SCNN1G: variants seen among roughly 807,000 people sequenced by gnomAD.
SCNN1G encodes sodium channel epithelial 1 subunit gamma, also known as epithelial sodium channel subunit gamma.
SCNN1G carries 27 observed loss-of-function variants against 64.6 expected under a neutral mutation model. That is an observed-to-expected ratio of 0.42 (90% CI 0.31 to 0.58). The LOEUF (loss-of-function observed/expected upper bound fraction) is 0.58. SCNN1G is among the 20% of genes least tolerant of loss of function. The pLI is 0.18. For missense variants in SCNN1G, 743 were observed against 823.4 expected (o/e 0.90, Z 1.19); for synonymous variants, 330 against 314.2 (o/e 1.05, Z -0.53).
In SCNN1G at chr16:23,209,859, G is replaced by A; in HGVS notation, c.1176+11G>A. ...GCCTACTCGCTCCAGGTAACAGATT[G>A]GCAGGGGCACCCAGCCCTGGGTTTA... On this transcript the variant is annotated intron_variant, in intron 7 of 12. Transcript: ENST00000300061. The A allele has an allele frequency of 3.1e-6, 5 of 1,602,466 alleles. No homozygotes were observed. The highest frequency in any genetic ancestry group is 4.3e-6 in the Non-Finnish European group (5 of 1,169,326).
chr16:23,189,020 A>G (rs1186028976), intron 2 of SCNN1G, among the ~76,000 whole-genome samples: 1 of 151,976 alleles, frequency 6.6e-6, no homozygotes, highest in Non-Finnish European at 1.5e-5. Flanking sequence ...GTTGGCAGTT[A>G]TTTACTTGTC....
At position 23,199,035 on chromosome 16, in the gene SCNN1G, T is replaced by A. The variant is rs372753263; in HGVS notation, c.1077+1608T>A. Among the ~76,000 whole-genome samples, 95 of 148,856 alleles carry A rather than the reference T, an allele frequency of 6.4e-4. 1 individual carries two copies. Among genetic ancestry groups the A allele is most frequent in the African/African-American group, 2.2e-3 (91 of 40,636 alleles). ...TGAGACCCTGCCTCTATTTTTTTTT[T>A]AAGAACTTATTTAAAGAGAGTGTCC... On this transcript the variant is annotated intron_variant, in intron 6 of 12. Coordinates refer to ENST00000300061, the MANE Select transcript of SCNN1G (RefSeq NM_001039.4).
rs1959606653 is a variant in SCNN1G, at chr16:23,186,399, G to T, written c.128G>T (p.Arg43Leu). Residue 43 changes from arginine (R) to leucine (L), a missense_variant, in exon 2 of 13, where the codon CGC becomes CTC. Coordinates refer to ENST00000300061, the MANE Select transcript of SCNN1G (RefSeq NM_001039.4). The part of the protein sequence containing the change: ...CLNTNTHGCR[R>L]IVVSRGRLRR... ...AACACCAACACCCATGGCTGTCGCC[G>T]CATCGTGGTGTCCCGCGGCCGTCTG... 3 of 1,614,108 alleles carry T rather than the reference G, an allele frequency of 1.9e-6. No homozygotes were observed. The highest frequency in any genetic ancestry group is 1.7e-6 in the Non-Finnish European group (2 of 1,180,050).
At chr16:23,200,386 G>A (rs1959869947) in intron 6 of SCNN1G, among the ~76,000 whole-genome samples, 1 of 152,146 alleles carries the variant, frequency 6.6e-6, no homozygotes, top group Non-Finnish European at 1.5e-5. Context: ...GAGAGCCTTG[G>A]CTTTAGAGCA....
chr16:23,192,205 A>G, intron 3 of SCNN1G, 147 bp from the exon 4 acceptor site: 1 of 716,538 alleles, frequency 1.4e-6, no homozygotes, highest in Non-Finnish European at 2.5e-6. Context: ...AACCCCTAGA[A>G]GTGAGAGGAA....
intron 6 of SCNN1G, among the ~76,000 whole-genome samples, chr16:23,204,805 C>G (rs1344872232): frequency 1.3e-5 from 2 of 151,986 alleles, no homozygotes; most frequent in East Asian, 3.9e-4. Context: ...ATGTAATATT[C>G]TAAACCATCA....
chr16:23,197,749 G>A (rs1280468263), intron 6 of SCNN1G, among the ~76,000 whole-genome samples: 1 of 152,072 alleles, frequency 6.6e-6, no homozygotes, highest in Non-Finnish European at 1.5e-5. Flanking sequence ...GTATGGTAGT[G>A]TGTGCCTGTA....
chr16:23,216,537 T>C lies in SCNN1G; in HGVS notation c.*1068T>C, dbSNP rs1206201247. 6.6e-6 allele frequency: 1 copy of C among 152,220 alleles called. No homozygotes were observed. The highest frequency in any genetic ancestry group is 1.5e-5 in the Non-Finnish European group (1 of 68,040). The allele number at this position is 152,220 out of a possible 1,614,324, so 9.4% of individuals were successfully genotyped here. A position where few individuals can be genotyped will look rare whatever the true frequency, so the allele number is the denominator to read the frequency against. ...CCAAGAACAGGGTGTTAGGTACTGTTTTAAGCACCTAGATAGGTTAGCATA... is the reference window on the plus strand; with the variant it reads ...CCAAGAACAGGGTGTTAGGTACTGTCTTAAGCACCTAGATAGGTTAGCATA... On this transcript the variant is annotated 3_prime_UTR_variant, in exon 13 of 13. Coordinates refer to ENST00000300061, the MANE Select transcript of SCNN1G (RefSeq NM_001039.4).
intron 9 of SCNN1G, 21 bp from the exon 10 acceptor site, chr16:23,212,816 T>A: frequency 6.2e-7 from 1 of 1,614,080 alleles, no homozygotes; most frequent in Non-Finnish European, 8.5e-7. Context: ...CCTACACTCA[T>A]GCTGTCCCCT....
chr16:23,215,815 A>G lies in SCNN1G; in HGVS notation c.*346A>G, dbSNP rs1015834635. The G allele has an allele frequency of 2.8e-6, 1 of 358,740 alleles. No homozygotes were observed. The highest frequency in any genetic ancestry group is 2.1e-5 in the African/African-American group (1 of 47,880). The allele number at this position is 358,740 out of a possible 1,614,324, so 22.2% of individuals were successfully genotyped here. On this transcript the variant is annotated 3_prime_UTR_variant, in exon 13 of 13. Transcript: ENST00000300061. ...TCTTTACGGGTCTTGAGAGGGAAGG[A>G]CTCTTCCAAAGCCCCAAAGCCGAGG...
chr16:23,192,806 G>A (rs541252597), intron 4 of SCNN1G, among the ~76,000 whole-genome samples: 25 of 152,112 alleles, frequency 1.6e-4, no homozygotes, highest in African/African-American at 4.3e-4. Context: ...GGTGGTTCAC[G>A]CCTCTAAATC....
In SCNN1G at chr16:23,212,143, C is replaced by G. The variant is rs779293588; in HGVS notation, c.1286C>G (p.Pro429Arg). 1.2e-6 allele frequency: 2 copies of G among 1,609,632 alleles called. No individual in the cohort carries two copies. Among genetic ancestry groups the G allele is most frequent in the Non-Finnish European group, 8.5e-7 (1 of 1,176,078 alleles). The change falls in exon 8 of 13, where the codon CCC (proline) becomes CGC (arginine). Residue 429 changes from proline (P) to arginine (R), a missense_variant. Pro to Arg is a moderately radical substitution (Grantham distance 103). Coordinates refer to ENST00000300061, the MANE Select transcript of SCNN1G (RefSeq NM_001039.4). Reference sequence around the variant, plus strand: ...AACTACTGCAACTACCAGCAGCACCCCAACTGGAGTGAGTGAGACCCAGCT... The same window carrying G: ...AACTACTGCAACTACCAGCAGCACCGCAACTGGAGTGAGTGAGACCCAGCT... ...AANYCNYQQHPNWMYCYYQLH... is the reference protein window; with the variant it reads ...AANYCNYQQHRNWMYCYYQLH...
chr16:23,190,255 T>C (rs1292137191), intron 3 of SCNN1G, among the ~76,000 whole-genome samples: 1 of 150,860 alleles, frequency 6.6e-6, no homozygotes, highest in Admixed American at 6.6e-5. Flanking sequence ...AAAATTATTT[T>C]TTAAAAAAAG....
chr16:23,201,535 A>C (rs1340320082), intron 6 of SCNN1G, among the ~76,000 whole-genome samples: 2 of 152,058 alleles, frequency 1.3e-5, no homozygotes, highest in Admixed American at 1.3e-4. Flanking sequence ...ACAACAAAAA[A>C]AAAAACAGGG....
In SCNN1G at chr16:23,213,085, TTCTC is replaced by T. The variant is rs1219860287; in HGVS notation, c.1432-12_1432-9del. Reference sequence around the variant, plus strand: ...TCTCAGGCACCCTCAGGCCCACGCTTTCTCTCTCCGTTGTAGAAGTGGTTGCTGC... The same window carrying T: ...TCTCAGGCACCCTCAGGCCCACGCTTTCTCCGTTGTAGAAGTGGTTGCTGC... On this transcript the variant is annotated splice_polypyrimidine_tract_variant and intron_variant, in intron 10 of 12. Transcript: ENST00000300061. The T allele has an allele frequency of 6.2e-7, 1 of 1,613,094 alleles. No individual in the cohort carries two copies.
chr16:23,208,363 A>G (rs1404243840), intron 6 of SCNN1G, among the ~76,000 whole-genome samples: 1 of 152,058 alleles, frequency 6.6e-6, no homozygotes, highest in East Asian at 1.9e-4. Flanking sequence ...AAAAAAAGCA[A>G]AAAAAATTAT....
Position 23,212,154 on chromosome 16 carries a change from G to GAGTGA in SCNN1G, c.1294+4_1294+8dup, listed in dbSNP as rs1468018847. On this transcript the variant is annotated splice_donor_region_variant and intron_variant, in intron 8 of 12. Transcript: ENST00000300061. ...CTACCAGCAGCACCCCAACTGGAGT[G>GAGTGA]AGTGAGACCCAGCTCCAGCCTTGCA... 6.3e-7 allele frequency: 1 copy of GAGTGA among 1,592,236 alleles called. No homozygotes were observed. The highest frequency in any genetic ancestry group is 8.6e-7 in the Non-Finnish European group (1 of 1,160,420).
chr16:23,204,500 T>TTA (rs940778646), intron 6 of SCNN1G, among the ~76,000 whole-genome samples: 29 of 146,356 alleles, frequency 2.0e-4, no homozygotes, highest in African/African-American at 5.9e-4. Flanking sequence ...TTTATGAATT[T>TTA]TATATATATA....
chr16:23,214,816 T>G, intron 12 of SCNN1G, 29 bp downstream of exon 12: 6 of 1,530,598 alleles, frequency 3.9e-6, no homozygotes, highest in South Asian at 1.1e-5. Context: ...TTCCAGGACC[T>G]GTCCTGGGCC....
Sources: gnomAD v4.1 joint callset for allele counts (sites outside exome capture counted in the v4.1 genomes callset) on GRCh38, gnomAD v4.1.1 for gene constraint, MANE v1.5 for transcripts, NCBI Gene and HGNC (gene_info 2026-07-23, HGNC 2026-07-21) for gene names.